GNB3: variants seen among roughly 807,000 people sequenced by gnomAD.
GNB3 encodes guanine nucleotide-binding protein G(I)/G(S)/G(T) subunit beta-3.
A neutral mutation model predicts 41.2 loss-of-function variants in GNB3; 33 were observed. That is an observed-to-expected ratio of 0.80 (90% CI 0.61 to 1.07). The LOEUF is 1.07. GNB3 is among the 50% of genes least tolerant of loss of function. The probability of loss-of-function intolerance (pLI) is 0.00; values close to 1 mark genes in which losing one functional copy is unlikely to be tolerated. For synonymous variants in GNB3, 172 were observed against 173.4 expected (o/e 0.99, Z 0.06); for missense variants, 409 against 455.3 (o/e 0.90, Z 0.92).
chr12:6,841,306 C>A lies in GNB3; in HGVS notation c.19C>A (p.Leu7Met). The change falls in exon 2 of 10, where the codon CTG (leucine) becomes ATG (methionine). Residue 7 changes from leucine to methionine, a missense_variant. Physicochemically the swap from Leu to Met is conservative, Grantham distance 15. Transcript: ENST00000229264. The part of the protein sequence containing the change: MGEMEQ[L>M]RQEAEQLKKQ... ...GTCAGCCATGGGGGAGATGGAGCAA[C>A]TGCGTCAGGAAGCGGAGCAGCTCAA... 6.2e-7 allele frequency: 1 copy of A among 1,613,594 alleles called. No homozygotes were observed. The highest frequency in any genetic ancestry group is 8.5e-7 in the Non-Finnish European group (1 of 1,179,770).
At position 6,842,958 on chromosome 12, in the gene GNB3, CT is replaced by C. The variant is rs782468167; in HGVS notation, c.97-11del. On this transcript the variant is annotated splice_polypyrimidine_tract_variant and intron_variant, in intron 3 of 9. Transcript: ENST00000229264. ...CTGCTCACCCTGATATTCAGTGCCC[CT>C]CTCTCTGCAGCTGGTGTCTGGCCTA... 4 of 1,519,716 alleles carry C rather than the reference CT, an allele frequency of 2.6e-6. No individual in the cohort carries two copies. The highest frequency in any genetic ancestry group is 2.7e-6 in the Non-Finnish European group (3 of 1,124,780). 94.1% of individuals were successfully genotyped at this position (1,519,716 alleles called of 1,614,324 possible). A position where few individuals can be genotyped will look rare whatever the true frequency, so the allele number is the denominator to read the frequency against.
intron 3 of GNB3, 32 bp from the exon 4 acceptor site, chr12:6,842,938 C>T (rs148868065): frequency 2.9e-6 from 4 of 1,402,118 alleles, no homozygotes; most frequent in South Asian, 2.7e-5. Flanking sequence ...GTAACCTGCT[C>T]ACCCTGATAT....
rs1041974039 is a variant in GNB3, at chr12:6,843,869, A to G, written c.590A>G (p.Asn197Ser). 10 of 1,613,790 alleles carry G rather than the reference A, an allele frequency of 6.2e-6. No individual in the cohort carries two copies. Among genetic ancestry groups the G allele is most frequent in the African/African-American group, 4.0e-5 (3 of 74,838 alleles). Residue 197 changes from asparagine to serine, a missense_variant, in exon 8 of 10, where the codon AAT becomes AGT. Transcript: ENST00000229264. This position sits in a 1 kb window ranked among gnomAD's most constrained non-coding sequence, Gnocchi z 5.9. ...AGCCTGGCTGTGTCTCCTGACTTCAATCTCTTCATTTCGGGGGCCTGTGAT... is the reference window on the plus strand; with the variant it reads ...AGCCTGGCTGTGTCTCCTGACTTCAGTCTCTTCATTTCGGGGGCCTGTGAT... The part of the protein sequence containing the change: ...CMSLAVSPDF[N>S]LFISGACDAS...
Position 6,841,252 on chromosome 12 carries a change from T to C in GNB3, c.-30-6T>C. 1.3e-6 allele frequency: 2 copies of C among 1,592,434 alleles called. No homozygotes were observed. The highest frequency in any genetic ancestry group is 1.7e-6 in the Non-Finnish European group (2 of 1,164,374). On this transcript the variant is annotated splice_polypyrimidine_tract_variant and splice_region_variant and intron_variant, in intron 1 of 9. Coordinates refer to ENST00000229264, the MANE Select transcript of GNB3 (RefSeq NM_002075.4). ...TTCCTCAACACCGACCCCATGTTCCTGGCAGGAGCCAGAGTGACCCCTCGA... is the reference window on the plus strand; with the variant it reads ...TTCCTCAACACCGACCCCATGTTCCCGGCAGGAGCCAGAGTGACCCCTCGA...
At chr12:6,844,089 C>CTT (rs1943631669) in intron 8 of GNB3, 111 bp downstream of exon 8, 33 of 377,254 alleles carry the variant, frequency 8.7e-5, no homozygotes, top group South Asian at 1.6e-4. Context: ...CCCTTTCTTA[C>CTT]TGTATTTTTT....
intron 1 of GNB3, 105 bp downstream of exon 1, chr12:6,841,138 C>T (rs1195621757): frequency 1.5e-6 from 1 of 675,798 alleles, no homozygotes; most frequent in Non-Finnish European, 2.6e-6. Flanking sequence ...GAGGGCCTAG[C>T]TGGGGAGAGG....
At position 6,841,362 on chromosome 12, in the gene GNB3, C is replaced by T. The variant is rs1046653764; in HGVS notation, c.57+18C>T. The T allele has an allele frequency of 2.5e-6, 4 of 1,608,508 alleles. No homozygotes were observed. Among genetic ancestry groups the T allele is most frequent in the Non-Finnish European group, 2.6e-6 (3 of 1,176,466 alleles). On this transcript the variant is annotated intron_variant, in intron 2 of 9. Coordinates refer to ENST00000229264, the MANE Select transcript of GNB3 (RefSeq NM_002075.4). ...AGATTGCAGTAACTCCAGAGCCCTA[C>T]CCCTGGGGCCCCAGAAAACAGCTGG... is the stretch of plus-strand genomic sequence containing the variant.
intron 9 of GNB3, 83 bp from the exon 10 acceptor site, chr12:6,846,709 C>A (rs199825311): frequency 1.5e-5 from 10 of 687,920 alleles, no homozygotes; most frequent in Admixed American, 4.5e-5. Flanking sequence ...ACCCACACAC[C>A]CACACATACA....
rs1247673329 is a variant in GNB3 at position 6,841,302 on chromosome 12, G to A, written c.15G>A (p.Glu5=). The change falls in exon 2 of 10, where the codon GAG becomes GAA. Residue 5 remains glutamate (E), a synonymous_variant. Transcript: ENST00000229264. MGEM[E]QLRQEAEQLK... Reference sequence around the variant, plus strand: ...ACCTGTCAGCCATGGGGGAGATGGAGCAACTGCGTCAGGAAGCGGAGCAGC... The same window carrying A: ...ACCTGTCAGCCATGGGGGAGATGGAACAACTGCGTCAGGAAGCGGAGCAGC... 4 of 1,613,366 alleles carry A rather than the reference G, an allele frequency of 2.5e-6. No individual in the cohort carries two copies. The highest frequency in any genetic ancestry group is 1.3e-5 in the African/African-American group (1 of 74,918).
intron 3 of GNB3, 126 bp downstream of exon 3, chr12:6,841,750 A>T (rs781977411): frequency 3.8e-5 from 29 of 754,068 alleles, no homozygotes; most frequent in Non-Finnish European, 6.2e-5. Context: ...CCCATTAATT[A>T]ATTCATTCGA....
chr12:6,843,930 C>G lies in GNB3; in HGVS notation c.651C>G (p.Thr217=). ...AGCTCTGGGATGTGCGAGAGGGGAC[C>G]TGCCGTCAGACTTTCACTGGCCACG... ...SAKLWDVREG[T]CRQTFTGHES... is the part of the protein sequence containing the mutation. Residue 217 remains threonine, a synonymous_variant, in exon 8 of 10, where the codon ACC becomes ACG. Coordinates refer to ENST00000229264, the MANE Select transcript of GNB3 (RefSeq NM_002075.4). The surrounding 1 kb of genome is among the most constrained non-coding windows in gnomAD (Gnocchi z 5.9). 1.2e-6 allele frequency: 2 copies of G among 1,613,972 alleles called. No individual in the cohort carries two copies. The highest frequency in any genetic ancestry group is 1.7e-6 in the Non-Finnish European group (2 of 1,179,944).
At chr12:6,844,203 G>A (rs1365890632) in intron 8 of GNB3, among the ~76,000 whole-genome samples, 1 of 149,518 alleles carries the variant, frequency 6.7e-6, no homozygotes, top group African/African-American at 2.5e-5. Flanking sequence ...CTGGGTTGGA[G>A]CAATTCTCCT....
intron 2 of GNB3, 110 bp from the exon 3 acceptor site, chr12:6,841,476 A>T: frequency 8.4e-7 from 1 of 1,190,558 alleles, no homozygotes; most frequent in Non-Finnish European, 1.2e-6. Context: ...CTTGGTTCGC[A>T]TATTTGAGAC....
rs1555124883 is a variant in GNB3, at chr12:6,846,930, G to A, written c.*32G>A. Reference sequence around the variant, plus strand: ...TGGAGAAAGGGAAGTGGAAGGCAGTGAACACACTCAGCAGCCCCCTGCCCG... The same window carrying A: ...TGGAGAAAGGGAAGTGGAAGGCAGTAAACACACTCAGCAGCCCCCTGCCCG... On this transcript the variant is annotated 3_prime_UTR_variant, in exon 10 of 10. Coordinates refer to ENST00000229264, the MANE Select transcript of GNB3 (RefSeq NM_002075.4). 1.6e-6 allele frequency: 2 copies of A among 1,267,100 alleles called. No homozygotes were observed. Among genetic ancestry groups the A allele is most frequent in the Admixed American group, 3.9e-5 (2 of 51,108 alleles). The allele number at this position is 1,267,100 out of a possible 1,614,324, so 78.5% of individuals were successfully genotyped here.
chr12:6,845,291 C>T (rs782612599), intron 8 of GNB3: 328 of 378,044 alleles, frequency 8.7e-4, no homozygotes, highest in African/African-American at 5.5e-3. Context: ...GGACAACCTC[C>T]GTCCGCCCTT....
chr12:6,841,766 AT>A (rs11288917), intron 3 of GNB3, 142 bp downstream of exon 3: 41,463 of 730,242 alleles, frequency 0.057, 5,505 homozygotes, highest in African/African-American at 0.32. Flanking sequence ...TTCGACCAAC[AT>A]TTTAGCGGGA....
At position 6,843,059 on chromosome 12, in the gene GNB3, C is replaced by G. The variant is rs1337171532; in HGVS notation, c.186C>G (p.His62Gln). ...RGHLAKIYAM[H>Q]WATDSKLLVS... is the part of the protein sequence containing the mutation. The stretch of plus-strand genomic sequence containing the variant: ...ACCTGGCCAAGATTTACGCCATGCA[C>G]TGGGCCACTGATTCTAAGTGAGGCT... The change falls in exon 4 of 10, where the codon CAC (histidine) becomes CAG (glutamine). Residue 62 changes from histidine to glutamine, a missense_variant. By Grantham distance (24) the His-to-Gln change is conservative. Coordinates refer to ENST00000229264, the MANE Select transcript of GNB3 (RefSeq NM_002075.4). This position sits in a 1 kb window ranked among gnomAD's most constrained non-coding sequence, Gnocchi z 5.9. 11 of 1,598,696 alleles carry G rather than the reference C, an allele frequency of 6.9e-6. No individual in the cohort carries two copies. The highest frequency in any genetic ancestry group is 9.4e-6 in the Non-Finnish European group (11 of 1,168,612).
rs1047222370 is a variant in GNB3, at chr12:6,841,721, C to T, written c.96+97C>T. 1.3e-4 allele frequency: 111 copies of T among 873,682 alleles called. 1 individual carries two copies. The East Asian group carries it at 2.5e-3, about 20-fold the overall frequency. 54.1% of individuals were successfully genotyped at this position (873,682 alleles called of 1,614,324 possible). A position where few individuals can be genotyped will look rare whatever the true frequency, so the allele number is the denominator to read the frequency against. ...CGTTGCTCCGAGCATTAGTACAGCA[C>T]GTCCTTGGAGTGAGGAAACCCATTA... On this transcript the variant is annotated intron_variant, in intron 3 of 9. Coordinates refer to ENST00000229264, the MANE Select transcript of GNB3 (RefSeq NM_002075.4).
rs373892759 is a variant in GNB3 at position 6,845,734 on chromosome 12, G to T, written c.848G>T (p.Arg283Leu). 4 of 1,613,892 alleles carry T rather than the reference G, an allele frequency of 2.5e-6. No homozygotes were observed. In the East Asian group the frequency reaches 8.9e-5, roughly 36 times the overall value. ...TCCGTGGCCTTCTCCCTCAGTGGCC[G>T]CCTACTATTCGCTGGCTACGACGAC... ...ITSVAFSLSG[R>L]LLFAGYDDFN... Residue 283 changes from arginine (R) to leucine (L), a missense_variant, in exon 9 of 10, where the codon CGC becomes CTC. By Grantham distance (102) the Arg-to-Leu change is moderately radical. Transcript: ENST00000229264.
Sources: gnomAD v4.1 joint callset for allele counts (sites outside exome capture counted in the v4.1 genomes callset) on GRCh38, gnomAD v4.1.1 for gene constraint, Gnocchi (gnomAD v3.1) non-coding constraint, MANE v1.5 for transcripts, NCBI Gene and HGNC (gene_info 2026-07-23, HGNC 2026-07-21) for gene names.